Variants in CSMD1 observed in about 807,000 individuals in gnomAD.
The protein encoded by CSMD1 is CUB and sushi domain-containing protein 1.
In CSMD1, 213 loss-of-function variants were observed where a neutral mutation model predicts 417.5. The observed-to-expected ratio is 0.51, with a 90% confidence interval of 0.46 to 0.57. CSMD1 has a LOEUF of 0.57. Ranked by LOEUF, CSMD1 falls within the 20% of genes least tolerant of loss-of-function variation. CSMD1 has a pLI of 0.00. For missense variants in CSMD1, 6,923 were observed against 4,529.7 expected (o/e 1.53, Z -15.17); for synonymous variants, 2,862 against 1,736.8 (o/e 1.65, Z -16.11).
intron 5 of CSMD1, among the ~76,000 whole-genome samples, chr8:3,987,423 G>A (rs2627385): frequency 0.25 from 38,240 of 152,112 alleles, 4,985 homozygotes; most frequent in Non-Finnish European, 0.29. Context: ...GTCTGTCTCC[G>A]TTCCTGGTAC....
At chr8:3,386,096 G>C (rs1242978673) in intron 18 of CSMD1, among the ~76,000 whole-genome samples, 1 of 152,118 alleles carries the variant, frequency 6.6e-6, no homozygotes, top group African/African-American at 2.4e-5. Context: ...AAATTACCTT[G>C]GTGCTTACAC....
At chr8:4,144,392 T>G (rs1303957778) in intron 3 of CSMD1, among the ~76,000 whole-genome samples, 2 of 151,216 alleles carry the variant, frequency 1.3e-5, no homozygotes, top group Non-Finnish European at 2.9e-5. Flanking sequence ...ACTTAATTTA[T>G]CTTTTCTGTT....
intron 10 of CSMD1, among the ~76,000 whole-genome samples, chr8:3,561,781 A>T (rs1472422130): frequency 6.6e-6 from 1 of 150,968 alleles, no homozygotes; most frequent in Non-Finnish European, 1.5e-5. Flanking sequence ...TTTAACAAGT[A>T]AAATTAAAAA....
chr8:3,953,161 C>G (rs1237059916), intron 5 of CSMD1, among the ~76,000 whole-genome samples: 1 of 151,694 alleles, frequency 6.6e-6, no homozygotes, highest in Non-Finnish European at 1.5e-5. Context: ...AAAAAAAAAT[C>G]AAACTGGATT....
At position 4,363,473 on chromosome 8, in the gene CSMD1, C is replaced by A. The variant is rs180763968; in HGVS notation, c.415+56480G>T. ...CTTTCCAGCTCTATCTTCCCCACCA[C>A]CCCCTCTCTGGAGGAGGAAAAGCAT... On this transcript the variant is annotated intron_variant, in intron 3 of 69. Transcript: ENST00000635120. Among the ~76,000 whole-genome samples, 1,024 of 152,252 alleles carry A rather than the reference C, an allele frequency of 6.7e-3. 37 individuals are homozygous for A. The highest frequency in any genetic ancestry group is 0.062 in the Admixed American group (946 of 15,280).
chr8:4,027,036 C>A (rs1217792780), intron 4 of CSMD1, among the ~76,000 whole-genome samples: 1 of 152,180 alleles, frequency 6.6e-6, no homozygotes, highest in East Asian at 1.9e-4. Flanking sequence ...TCAAGGAACA[C>A]AGAACTTGGA....
chr8:4,495,287 A>T (rs1385425733), intron 2 of CSMD1, among the ~76,000 whole-genome samples: 1 of 152,150 alleles, frequency 6.6e-6, no homozygotes, highest in Middle Eastern at 3.2e-3. Flanking sequence ...ATACAAAATG[A>T]TTTCTCAGCT....
intron 15 of CSMD1, among the ~76,000 whole-genome samples, chr8:3,405,298 A>G (rs986327483): frequency 1.3e-4 from 20 of 152,334 alleles, no homozygotes; most frequent in African/African-American, 4.6e-4. Flanking sequence ...GACTGTGAAC[A>G]TATACTCTAA....
At chr8:3,871,506 T>A (rs1046123204) in intron 5 of CSMD1, among the ~76,000 whole-genome samples, 2 of 152,234 alleles carry the variant, frequency 1.3e-5, no homozygotes, top group South Asian at 4.1e-4. Flanking sequence ...TAAACATTTG[T>A]ATCTCCATAA....
intron 31 of CSMD1, among the ~76,000 whole-genome samples, chr8:3,204,349 A>G (rs1448059177): frequency 6.6e-6 from 1 of 152,172 alleles, no homozygotes; most frequent in East Asian, 1.9e-4. Flanking sequence ...GTTTCCATGA[A>G]CAGAAGACTT....
At position 2,961,134 on chromosome 8, in the gene CSMD1, G is replaced by A. The variant is rs1394681954; in HGVS notation, c.9702+7C>T. ...AAAGAAAACATAGTAAATTCATAAT[G>A]AACTACCTCATAGCCTCTGGAGCTA... On this transcript the variant is annotated splice_region_variant and intron_variant, in intron 62 of 69. Coordinates refer to ENST00000635120, the MANE Select transcript of CSMD1 (RefSeq NM_033225.6). 2 of 1,536,174 alleles carry A rather than the reference G, an allele frequency of 1.3e-6. No homozygotes were observed. The highest frequency in any genetic ancestry group is 1.8e-6 in the Non-Finnish European group (2 of 1,127,536).
chr8:3,435,257 A>T (rs1814475613), intron 12 of CSMD1, among the ~76,000 whole-genome samples: 1 of 152,144 alleles, frequency 6.6e-6, no homozygotes. Flanking sequence ...CTGACAGTTA[A>T]TATGTGTTTT....
chr8:4,254,316 T>C (rs962249295), intron 3 of CSMD1, among the ~76,000 whole-genome samples: 2 of 152,130 alleles, frequency 1.3e-5, no homozygotes, highest in East Asian at 1.9e-4. Context: ...AATTCGATTA[T>C]TGATAACATT....
chr8:4,147,247 G>C (rs1033956778), intron 3 of CSMD1, among the ~76,000 whole-genome samples: 1 of 151,954 alleles, frequency 6.6e-6, no homozygotes, highest in Non-Finnish European at 1.5e-5. Flanking sequence ...TGCCTACCTC[G>C]AATCCTTCAG....
In CSMD1 at chr8:4,568,790, C is replaced by T. The variant is rs568634402; in HGVS notation, c.302+68552G>A. Among the ~76,000 whole-genome samples, 256 of 152,202 alleles carry T rather than the reference C, an allele frequency of 1.7e-3. 1 individual carries two copies. Among genetic ancestry groups the T allele is most frequent in the African/African-American group, 5.9e-3 (246 of 41,522 alleles). On this transcript the variant is annotated intron_variant, in intron 2 of 69. Coordinates refer to ENST00000635120, the MANE Select transcript of CSMD1 (RefSeq NM_033225.6). ...TAACCTCTCCAGCATCTGTTATTTC[C>T]TGACTTTTTAATGATGGTCATTCTA...
chr8:4,445,255 A>C lies in CSMD1; in HGVS notation c.303-25190T>G, dbSNP rs1285088977. Among the ~76,000 whole-genome samples the C allele has an allele frequency of 1.3e-5, 2 of 152,054 alleles. 1 individual carries two copies. The highest frequency in any genetic ancestry group is 2.9e-5 in the Non-Finnish European group (2 of 68,016). On this transcript the variant is annotated intron_variant, in intron 2 of 69. Transcript: ENST00000635120. ...ATTATTTTTCTCTTGTTCTCTTTCT[A>C]GCCATATGTTCTCTGTCATTACCTA...
chr8:3,320,623 T>C (rs545125299), intron 23 of CSMD1, among the ~76,000 whole-genome samples: 94 of 152,260 alleles, frequency 6.2e-4, no homozygotes, highest in Non-Finnish European at 1.0e-3. Context: ...TCCAGAGAAG[T>C]GACAGCCTCA....
At chr8:3,187,821 G>A (rs1796151190) in intron 36 of CSMD1, 48 bp downstream of exon 36, 2 of 1,380,134 alleles carry the variant, frequency 1.4e-6, no homozygotes, top group Middle Eastern at 1.8e-4. Flanking sequence ...TTTTCTTGGT[G>A]TTTGCAGATT....
At chr8:3,927,006 G>A (rs1809780965) in intron 5 of CSMD1, among the ~76,000 whole-genome samples, 2 of 151,840 alleles carry the variant, frequency 1.3e-5, no homozygotes, top group East Asian at 1.9e-4. Flanking sequence ...GAGCCACCGT[G>A]CCCGGCCAAA....
Sources: allele counts gnomAD v4.1 joint callset (sites outside exome capture counted in the v4.1 genomes callset), GRCh38; gene constraint gnomAD v4.1.1; transcripts MANE v1.5; gene names NCBI Gene and HGNC (gene_info 2026-07-23, HGNC 2026-07-21).